The following TAFA2 variants were observed in gnomAD, a reference collection of about 807,000 sequenced individuals.
TAFA2 encodes the protein TAFA chemokine like family member 2.
Under a neutral mutation model 18.8 loss-of-function variants are expected in TAFA2, and 7 were observed. The ratio of observed to expected loss-of-function variants is 0.37; its 90% CI spans 0.21 to 0.70. The LOEUF (loss-of-function observed/expected upper bound fraction) is 0.70. Among genes scored for constraint, TAFA2 ranks in the 30% least tolerant of loss-of-function variants. TAFA2 has a pLI of 0.53. For synonymous variants in TAFA2, 60 were observed against 54.2 expected (o/e 1.11, Z -0.47); for missense variants, 122 against 158.1 (o/e 0.77, Z 1.23).
intron 1 of TAFA2, among the ~76,000 whole-genome samples, chr12:62,096,550 T>C (rs1868959675): frequency 6.6e-6 from 1 of 152,198 alleles, no homozygotes; most frequent in Non-Finnish European, 1.5e-5. Flanking sequence ...TCCAGGATTA[T>C]AAATCCCAAT....
intron 2 of TAFA2, among the ~76,000 whole-genome samples, chr12:61,811,286 A>G (rs1871858383): frequency 6.6e-6 from 1 of 151,388 alleles, no homozygotes; most frequent in African/African-American, 2.5e-5. Context: ...CTACAGTTGA[A>G]GAATATAAAG....
intron 2 of TAFA2, among the ~76,000 whole-genome samples, chr12:61,763,028 G>C (rs1869628684): frequency 6.6e-6 from 1 of 151,990 alleles, no homozygotes; most frequent in Admixed American, 6.6e-5. Context: ...AAAACTTTCT[G>C]AGACAGCTAA....
intron 2 of TAFA2, among the ~76,000 whole-genome samples, chr12:61,852,873 A>G (rs1565656778): frequency 6.6e-6 from 1 of 152,252 alleles, no homozygotes; most frequent in Non-Finnish European, 1.5e-5. Context: ...AAGCAATAGC[A>G]TAACATTACT....
intron 1 of TAFA2, among the ~76,000 whole-genome samples, chr12:61,995,328 C>G (rs79412980): frequency 2.0e-5 from 3 of 152,202 alleles, no homozygotes; most frequent in African/African-American, 4.8e-5. Context: ...CCCATCTCCA[C>G]ATGACTAGTT....
chr12:61,800,092 T>A (rs1427610882), intron 2 of TAFA2, among the ~76,000 whole-genome samples: 1 of 152,168 alleles, frequency 6.6e-6, no homozygotes, highest in Non-Finnish European at 1.5e-5. Flanking sequence ...TATAATTAGT[T>A]GAAATGACAC....
At chr12:62,124,094 T>A (rs1396319449) in intron 1 of TAFA2, among the ~76,000 whole-genome samples, 1 of 152,120 alleles carries the variant, frequency 6.6e-6, no homozygotes, top group Non-Finnish European at 1.5e-5. Flanking sequence ...CGAATCAGTA[T>A]TTTTGCCCCT....
chr12:61,870,818 A>G (rs1163900340), intron 1 of TAFA2, among the ~76,000 whole-genome samples: 1 of 152,172 alleles, frequency 6.6e-6, no homozygotes, highest in Non-Finnish European at 1.5e-5. Context: ...GATTTGCCCA[A>G]GACCGTGTTG....
chr12:62,129,650 G>A (rs765469191), intron 1 of TAFA2, among the ~76,000 whole-genome samples: 20 of 152,014 alleles, frequency 1.3e-4, no homozygotes, highest in Non-Finnish European at 2.6e-4. Context: ...GTTAAGTGCA[G>A]GGTAGGGTCT....
At chr12:61,936,427 G>A (rs1228122340) in intron 1 of TAFA2, among the ~76,000 whole-genome samples, 1 of 151,988 alleles carries the variant, frequency 6.6e-6, no homozygotes, top group African/African-American at 2.4e-5. Context: ...ACTTAGCCAG[G>A]TGTGGTGGTG....
At chr12:61,846,245 A>C (rs1873400308) in intron 2 of TAFA2, among the ~76,000 whole-genome samples, 1 of 152,118 alleles carries the variant, frequency 6.6e-6, no homozygotes, top group African/African-American at 2.4e-5. Flanking sequence ...ACTTTTTTCT[A>C]TATTTACTAA....
chr12:61,910,946 G>T (rs984819433), intron 1 of TAFA2, among the ~76,000 whole-genome samples: 2 of 152,144 alleles, frequency 1.3e-5, no homozygotes, highest in Non-Finnish European at 2.9e-5. Context: ...TCAGATGTTT[G>T]ACTGTTTCTT....
intron 1 of TAFA2, among the ~76,000 whole-genome samples, chr12:61,936,510 G>A (rs985926224): frequency 2.6e-5 from 4 of 152,140 alleles, no homozygotes; most frequent in Admixed American, 2.6e-4. Context: ...GAAGGTTGCA[G>A]TGAGCTGAGA....
At chr12:62,071,864 T>C (rs1459190850) in intron 1 of TAFA2, among the ~76,000 whole-genome samples, 1 of 152,150 alleles carries the variant, frequency 6.6e-6, no homozygotes, top group East Asian at 1.9e-4. Flanking sequence ...CTTGTGAGGA[T>C]AGGGGAAATA....
chr12:61,881,836 G>A (rs563577609), intron 1 of TAFA2, among the ~76,000 whole-genome samples: 3 of 152,106 alleles, frequency 2.0e-5, no homozygotes, highest in African/African-American at 4.8e-5. Flanking sequence ...GGCCACCAGG[G>A]TGTGGCTTCA....
intron 1 of TAFA2, among the ~76,000 whole-genome samples, chr12:61,964,928 A>T (rs1879017519): frequency 6.6e-6 from 1 of 151,846 alleles, no homozygotes; most frequent in East Asian, 2.0e-4. Flanking sequence ...TACTATCATG[A>T]TATTCATTGC....
At chr12:61,871,570 T>C (rs907959771) in intron 1 of TAFA2, among the ~76,000 whole-genome samples, 2 of 152,058 alleles carry the variant, frequency 1.3e-5, no homozygotes, top group African/African-American at 4.8e-5. Context: ...TTGAAATCGC[T>C]CCCAGGCAGC....
intron 1 of TAFA2, among the ~76,000 whole-genome samples, chr12:62,251,780 C>A (rs2062915171): frequency 6.6e-6 from 1 of 152,140 alleles, no homozygotes. Context: ...ACTGGCTGCC[C>A]CCTGAAGAGA....
chr12:62,239,955 C>T (rs2136989043), intron 1 of TAFA2, among the ~76,000 whole-genome samples: 1 of 151,904 alleles, frequency 6.6e-6, no homozygotes, highest in East Asian at 1.9e-4. Flanking sequence ...GAATAGTCAG[C>T]CAATGCTTCT....
chr12:62,039,779 C>G (rs1592298603), intron 1 of TAFA2, among the ~76,000 whole-genome samples: 1 of 152,124 alleles, frequency 6.6e-6, no homozygotes, highest in African/African-American at 2.4e-5. Flanking sequence ...AGCAGATACC[C>G]GATCAAATTC....
Sources: gnomAD v4.1 joint callset for allele counts (sites outside exome capture counted in the v4.1 genomes callset) on GRCh38, gnomAD v4.1.1 for gene constraint, MANE v1.5 for transcripts, NCBI Gene and HGNC (gene_info 2026-07-23, HGNC 2026-07-21) for gene names.